C12orf42: variants seen among roughly 807,000 people sequenced by gnomAD.
C12orf42 encodes chromosome 12 open reading frame 42.
Under a neutral mutation model 21.6 loss-of-function variants are expected in C12orf42, and 25 were observed. The observed-to-expected ratio is 1.16, with a 90% CI of 0.84 to 1.62. The LOEUF (loss-of-function observed/expected upper bound fraction) is 1.62. Among genes scored for constraint, C12orf42 ranks in the 40% most tolerant of loss-of-function variants. C12orf42 has a pLI of 0.00. For missense variants in C12orf42, 483 were observed against 459.3 expected (o/e 1.05, Z -0.47); for synonymous variants, 174 against 175.0 (o/e 0.99, Z 0.05).
intron 2 of C12orf42, among the ~76,000 whole-genome samples, chr12:103,471,020 A>G (rs532655121): frequency 6.6e-6 from 1 of 152,340 alleles, no homozygotes; most frequent in East Asian, 1.9e-4. Flanking sequence ...TGAGCATAAT[A>G]AAATGATTGT....
the C12orf42 span, among the ~76,000 whole-genome samples, chr12:103,148,552 G>T: frequency 6.6e-6 from 1 of 152,198 alleles, no homozygotes; most frequent in Non-Finnish European, 1.5e-5. Context: ...GGACCATGGA[G>T]TGAGCAGATG....
At chr12:103,542,286 C>T in the C12orf42 span, among the ~76,000 whole-genome samples, 2 of 152,108 alleles carry the variant, frequency 1.3e-5, no homozygotes, top group East Asian at 1.9e-4. Flanking sequence ...ATGAGTGGTG[C>T]GTCTGTGAGT....
the C12orf42 span, among the ~76,000 whole-genome samples, chr12:103,113,965 A>G: frequency 6.6e-6 from 1 of 152,196 alleles, no homozygotes; most frequent in South Asian, 2.1e-4. Context: ...TACACTCAAC[A>G]GTTTAGATTT....
the C12orf42 span, among the ~76,000 whole-genome samples, chr12:103,120,805 A>T: frequency 1.3e-5 from 2 of 149,744 alleles, no homozygotes; most frequent in South Asian, 4.2e-4. Flanking sequence ...TTTTTAACAT[A>T]TAACATGTAT....
chr12:103,308,099 T>C (rs1205678225), intron 4 of C12orf42, among the ~76,000 whole-genome samples: 1 of 152,170 alleles, frequency 6.6e-6, no homozygotes, highest in Admixed American at 6.5e-5. Flanking sequence ...CAGTTTCTCA[T>C]TCATAAAATA....
chr12:103,260,267 G>A (rs1029386471), intron 10 of C12orf42, among the ~76,000 whole-genome samples: 3 of 152,188 alleles, frequency 2.0e-5, no homozygotes, highest in Non-Finnish European at 2.9e-5. Context: ...TGAGAAACTT[G>A]GAGAGAAAGC....
chr12:103,124,155 CTTTTTTTTTTTT>C, the C12orf42 span, among the ~76,000 whole-genome samples: 2,139 of 76,122 alleles, frequency 0.028, 26 homozygotes, highest in African/African-American at 0.065. Flanking sequence ...CAAACATAAG[CTTTTTTTTTTTT>C]TTTTTTTTTT....
the C12orf42 span, among the ~76,000 whole-genome samples, chr12:103,079,209 C>T: frequency 6.6e-6 from 1 of 152,042 alleles, no homozygotes; most frequent in Non-Finnish European, 1.5e-5. Context: ...GTATTCCAAT[C>T]CAGGTAATAC....
chr12:103,283,268 G>A (rs575358256), intron 4 of C12orf42, among the ~76,000 whole-genome samples: 3 of 152,290 alleles, frequency 2.0e-5, no homozygotes, highest in Admixed American at 1.3e-4. Context: ...TGGTATCTGT[G>A]AATCCATTTG....
intron 4 of C12orf42, among the ~76,000 whole-genome samples, chr12:103,358,552 A>G (rs2043790218): frequency 1.3e-5 from 2 of 152,132 alleles, no homozygotes; most frequent in South Asian, 4.1e-4. Context: ...GTCCTCACCT[A>G]ACAATTCTCC....
chr12:103,221,520 T>C, the C12orf42 span, among the ~76,000 whole-genome samples: 1 of 152,244 alleles, frequency 6.6e-6, no homozygotes, highest in East Asian at 1.9e-4. Flanking sequence ...TACTTATGAC[T>C]CTGTGTTACT....
At chr12:103,047,768 T>C in the C12orf42 span, among the ~76,000 whole-genome samples, 48 of 152,326 alleles carry the variant, frequency 3.2e-4, no homozygotes, top group African/African-American at 1.1e-3. Context: ...GGCTGGCTCA[T>C]CTAGAATGGT....
chr12:103,226,894 T>C, the C12orf42 span, among the ~76,000 whole-genome samples: 6 of 152,130 alleles, frequency 3.9e-5, no homozygotes, highest in Non-Finnish European at 7.3e-5. Flanking sequence ...GACTGATGTG[T>C]AAAAGAATGC....
chr12:103,080,450 A>G, the C12orf42 span, among the ~76,000 whole-genome samples: 3 of 152,224 alleles, frequency 2.0e-5, no homozygotes, highest in Admixed American at 2.0e-4. Context: ...AAGGATCATC[A>G]TTAATACAAA....
chr12:103,119,754 G>T, the C12orf42 span, among the ~76,000 whole-genome samples: 4 of 152,314 alleles, frequency 2.6e-5, no homozygotes, highest in South Asian at 8.3e-4. Context: ...AATTGGGATA[G>T]AGTCTTCAAT....
At chr12:103,350,152 A>G (rs988872754) in intron 4 of C12orf42, among the ~76,000 whole-genome samples, 1 of 152,184 alleles carries the variant, frequency 6.6e-6, no homozygotes, top group African/African-American at 2.4e-5. Flanking sequence ...CTTATCTACC[A>G]TCTCACTTTC....
the C12orf42 span, among the ~76,000 whole-genome samples, chr12:103,129,458 T>C: frequency 1.3e-5 from 2 of 152,194 alleles, no homozygotes; most frequent in African/African-American, 4.8e-5. Flanking sequence ...TGGGGTTTCC[T>C]TGGATTTACT....
intron 1 of C12orf42, among the ~76,000 whole-genome samples, chr12:103,487,944 A>T (rs2138152070): frequency 6.6e-6 from 1 of 152,304 alleles, no homozygotes; most frequent in Admixed American, 6.5e-5. Context: ...TGGGGTATTT[A>T]GCCCATTTAC....
the C12orf42 span, among the ~76,000 whole-genome samples, chr12:103,536,856 T>G: frequency 6.6e-6 from 1 of 152,196 alleles, no homozygotes; most frequent in Non-Finnish European, 1.5e-5. Context: ...CCCTTAAAAT[T>G]CCAGTTTCTC....
Sources: gnomAD v4.1 joint callset for allele counts (sites outside exome capture counted in the v4.1 genomes callset) on GRCh38, gnomAD v4.1.1 for gene constraint, MANE v1.5 for transcripts, NCBI Gene and HGNC (gene_info 2026-07-23, HGNC 2026-07-21) for gene names.